Variants in VAV2 observed in about 807,000 individuals in gnomAD.
VAV2 encodes the protein vav guanine nucleotide exchange factor 2, also known as guanine nucleotide exchange factor VAV2.
A neutral mutation model predicts 132.5 loss-of-function variants in VAV2; 67 were observed. The ratio of observed to expected loss-of-function variants is 0.51; its 90% CI spans 0.42 to 0.62. VAV2 has a LOEUF of 0.62. VAV2 is among the 20% of genes least tolerant of loss of function. The pLI, the probability that VAV2 is intolerant of heterozygous loss-of-function variation, is 0.00. For missense variants in VAV2, 938 were observed against 1,153.6 expected, an observed-to-expected ratio of 0.81 and a Z score of 2.71; for synonymous variants, 492 against 443.5, an observed-to-expected ratio of 1.11 and a Z score of -1.37.
intron 1 of VAV2, among the ~76,000 whole-genome samples, chr9:133,980,566 GCC>G (rs1842661372): frequency 6.6e-6 from 1 of 152,186 alleles, no homozygotes; most frequent in African/African-American, 2.4e-5. Flanking sequence ...ATGGGGCATG[GCC>G]ACCTCTCTGG....
chr9:133,907,023 T>A (rs1055784759), intron 2 of VAV2, among the ~76,000 whole-genome samples: 2 of 152,168 alleles, frequency 1.3e-5, no homozygotes, highest in African/African-American at 2.4e-5. Context: ...CCCTCAGGCC[T>A]GCCTCAGCCT....
chr9:133,986,455 C>G lies in VAV2; in HGVS notation c.204+5620G>C, dbSNP rs551555750. Among the ~76,000 whole-genome samples, 236 of 152,300 alleles carry G rather than the reference C, an allele frequency of 1.5e-3. 1 individual carries two copies. The highest frequency in any genetic ancestry group is 5.6e-3 in the African/African-American group (232 of 41,550). ...TGCTCTATGCTATGAAGGGCATTTG[C>G]TGGGACAATTGTGGAGAAGTGGACG... On this transcript the variant is annotated intron_variant, in intron 1 of 29. Transcript: ENST00000371850.
intron 1 of VAV2, among the ~76,000 whole-genome samples, chr9:133,947,989 C>T (rs1437957155): frequency 2.0e-5 from 3 of 152,074 alleles, no homozygotes; most frequent in African/African-American, 7.2e-5. Flanking sequence ...CAGGCTTTCC[C>T]CACGTTGGCC....
chr9:133,911,432 C>T (rs1839881987), intron 2 of VAV2, among the ~76,000 whole-genome samples: 2 of 152,164 alleles, frequency 1.3e-5, no homozygotes, highest in African/African-American at 4.8e-5. Flanking sequence ...TTAAATTTAC[C>T]ATACCTCTAT....
intron 9 of VAV2, among the ~76,000 whole-genome samples, chr9:133,800,807 C>T (rs577980548): frequency 4.6e-5 from 7 of 152,320 alleles, no homozygotes; most frequent in Admixed American, 2.0e-4. Context: ...ACCGGGAACA[C>T]CCACATCAGC....
At chr9:133,922,414 C>T (rs908586780) in intron 2 of VAV2, among the ~76,000 whole-genome samples, 1 of 152,208 alleles carries the variant, frequency 6.6e-6, no homozygotes, top group African/African-American at 2.4e-5. Context: ...AAGAGCTGGG[C>T]TTGGCGGGGC....
chr9:133,874,307 A>G (rs1347610046), intron 2 of VAV2, among the ~76,000 whole-genome samples: 1 of 152,036 alleles, frequency 6.6e-6, no homozygotes, highest in Non-Finnish European at 1.5e-5. Context: ...TCCCAGAGAC[A>G]CTCCCCAGCC....
At chr9:133,972,258 C>G (rs1041709069) in intron 1 of VAV2, among the ~76,000 whole-genome samples, 1 of 152,220 alleles carries the variant, frequency 6.6e-6, no homozygotes, top group Non-Finnish European at 1.5e-5. Flanking sequence ...AGGCACCTGT[C>G]CTCAGCGGGC....
chr9:133,769,555 AG>A lies in VAV2; in HGVS notation c.2348-53del. 1 of 1,556,026 alleles carries A rather than the reference AG, an allele frequency of 6.4e-7. No individual in the cohort carries two copies. The highest frequency in any genetic ancestry group is 1.4e-5 in the African/African-American group (1 of 73,596). On this transcript the variant is annotated intron_variant, in intron 27 of 29. Transcript: ENST00000371850. This position sits in a 1 kb window ranked among gnomAD's most constrained non-coding sequence, Gnocchi z 8.1. Reference sequence around the variant, plus strand: ...GGCGGGCAGCAGGGCATCCACGCACAGTCACGGTGGGCACAGCTACAGGCCG... The same window carrying A: ...GGCGGGCAGCAGGGCATCCACGCACATCACGGTGGGCACAGCTACAGGCCG...
chr9:133,951,070 G>A (rs1331041728), intron 1 of VAV2, among the ~76,000 whole-genome samples: 2 of 152,146 alleles, frequency 1.3e-5, no homozygotes, highest in Non-Finnish European at 1.5e-5. Flanking sequence ...CCTTCCTGCT[G>A]GGCTAAAAAT....
Position 133,807,543 on chromosome 9 carries a change from G to A in VAV2, c.667-217C>T, listed in dbSNP as rs188401413. On this transcript the variant is annotated intron_variant, in intron 7 of 29. Transcript: ENST00000371850. ...GGGTAAAGATTCTAACGCTCCCAGC[G>A]TGACGGGGGCAGAGTCCTGTGGTGG... Among the ~76,000 whole-genome samples the A allele has an allele frequency of 3.3e-5, 5 of 152,350 alleles. No homozygotes were observed. In the East Asian group the frequency reaches 5.8e-4, roughly 18 times the overall value.
At chr9:133,789,097 G>A (rs922686660) in intron 14 of VAV2, among the ~76,000 whole-genome samples, 161 bp downstream of exon 14, 1 of 152,368 alleles carries the variant, frequency 6.6e-6, no homozygotes. Context: ...TCGCTGACGA[G>A]AAGGAAGGAA....
rs564320808 is a variant in VAV2, at chr9:133,875,912, G to A, written c.322-14480C>T. 2.1e-4 allele frequency among the ~76,000 whole-genome samples: 32 copies of A among 152,332 alleles called. No individual in the cohort carries two copies. The South Asian group carries it at 5.8e-3, about 28-fold the overall frequency. ...TATAGCAGACGCCTCCCGTGCCCTC[G>A]GGCCTCACCCAACTGCGGGGGCCCA... On this transcript the variant is annotated intron_variant, in intron 2 of 29. Coordinates refer to ENST00000371850, the MANE Select transcript of VAV2 (RefSeq NM_001134398.2).
chr9:133,987,269 A>C (rs1441261544), intron 1 of VAV2, among the ~76,000 whole-genome samples: 5 of 152,104 alleles, frequency 3.3e-5, no homozygotes, highest in Admixed American at 1.3e-4. Context: ...GATGAAACAA[A>C]GAGTTTCATT....
intron 3 of VAV2, among the ~76,000 whole-genome samples, chr9:133,835,055 AAT>A (rs143940706): frequency 1.9e-4 from 28 of 148,946 alleles, no homozygotes; most frequent in South Asian, 6.3e-4. Flanking sequence ...ATGGTATAGA[AAT>A]ATATATATAT....
At chr9:133,830,532 G>T (rs1204080177) in intron 4 of VAV2, among the ~76,000 whole-genome samples, 2 of 152,172 alleles carry the variant, frequency 1.3e-5, no homozygotes, top group African/African-American at 4.8e-5. Context: ...GCCATGTGAA[G>T]AAAAGCGTGT....
At chr9:133,773,503 G>T (rs1162697715) in intron 25 of VAV2, among the ~76,000 whole-genome samples, 1 of 152,158 alleles carries the variant, frequency 6.6e-6, no homozygotes, top group African/African-American at 2.4e-5. Flanking sequence ...TTCTTCAATC[G>T]TAAATTAACT....
intron 1 of VAV2, among the ~76,000 whole-genome samples, chr9:133,962,804 C>T (rs1372908047): frequency 6.6e-6 from 1 of 152,120 alleles, no homozygotes; most frequent in Non-Finnish European, 1.5e-5. Flanking sequence ...TTCAACTTTC[C>T]CTTTTATGTT....
At chr9:133,850,688 C>T (rs937233989) in intron 3 of VAV2, among the ~76,000 whole-genome samples, 6 of 152,166 alleles carry the variant, frequency 3.9e-5, no homozygotes, top group African/African-American at 1.4e-4. Context: ...AGCAGGGCCC[C>T]GTGAGCCCAC....
Sources: allele counts gnomAD v4.1 joint callset (sites outside exome capture counted in the v4.1 genomes callset), GRCh38; gene constraint gnomAD v4.1.1; non-coding constraint Gnocchi (gnomAD v3.1); transcripts MANE v1.5; gene names NCBI Gene and HGNC (gene_info 2026-07-23, HGNC 2026-07-21).